Variants in KCNK13 observed in about 807,000 individuals in gnomAD.
KCNK13 encodes potassium two pore domain channel subfamily K member 13.
Under a neutral mutation model 23.4 loss-of-function variants are expected in KCNK13, and 12 were observed. The ratio of observed to expected loss-of-function variants is 0.51; its 90% CI spans 0.33 to 0.83. KCNK13 has a LOEUF of 0.83. Ranked by LOEUF, KCNK13 falls within the 40% of genes least tolerant of loss-of-function variation. The pLI is 0.02. For missense variants in KCNK13, 463 were observed against 556.3 expected (o/e 0.83, Z 1.69); for synonymous variants, 231 against 229.5 (o/e 1.01, Z -0.06).
intron 1 of KCNK13, among the ~76,000 whole-genome samples, chr14:90,071,610 G>C (rs1889074979): frequency 6.6e-6 from 1 of 152,192 alleles, no homozygotes; most frequent in South Asian, 2.1e-4. Flanking sequence ...CCTGGTAGTT[G>C]ACCCAGCAAG....
chr14:90,130,327 G>C (rs1889853036), intron 1 of KCNK13, among the ~76,000 whole-genome samples: 1 of 151,818 alleles, frequency 6.6e-6, no homozygotes, highest in South Asian at 2.1e-4. Flanking sequence ...AGCCTCCTGA[G>C]TAGCTGGGAT....
chr14:90,137,673 T>C (rs936717333), intron 1 of KCNK13, among the ~76,000 whole-genome samples: 3 of 152,274 alleles, frequency 2.0e-5, no homozygotes, highest in Middle Eastern at 3.4e-3. Context: ...AGGCTATTAG[T>C]TGTAAAGTTA....
At chr14:90,070,264 A>T (rs764375997) in intron 1 of KCNK13, among the ~76,000 whole-genome samples, 1 of 152,234 alleles carries the variant, frequency 6.6e-6, no homozygotes, top group Non-Finnish European at 1.5e-5. Context: ...CTATATAACC[A>T]TTATAACATG....
intron 1 of KCNK13, among the ~76,000 whole-genome samples, chr14:90,063,446 T>C (rs192685368): frequency 6.6e-6 from 1 of 152,210 alleles, no homozygotes; most frequent in East Asian, 1.9e-4. Context: ...AGATTGTTCA[T>C]CCTTGAAGAA....
intron 1 of KCNK13, among the ~76,000 whole-genome samples, chr14:90,159,249 C>G (rs908602668): frequency 6.6e-6 from 1 of 152,190 alleles, no homozygotes; most frequent in African/African-American, 2.4e-5. Flanking sequence ...CCCCACCTCC[C>G]AACACTGTTG....
At chr14:90,178,378 A>C (rs1351174871) in intron 1 of KCNK13, among the ~76,000 whole-genome samples, 1 of 151,312 alleles carries the variant, frequency 6.6e-6, no homozygotes, top group African/African-American at 2.4e-5. Flanking sequence ...TGCAAACTCC[A>C]CCTCCCGGGT....
At chr14:90,108,380 G>T (rs140503401) in intron 1 of KCNK13, among the ~76,000 whole-genome samples, 30 of 152,218 alleles carry the variant, frequency 2.0e-4, no homozygotes, top group African/African-American at 7.0e-4. Flanking sequence ...ATGAATCCTT[G>T]GTTGGTTTTC....
At chr14:90,143,445 T>G (rs1352001155) in intron 1 of KCNK13, among the ~76,000 whole-genome samples, 1 of 152,138 alleles carries the variant, frequency 6.6e-6, no homozygotes, top group Non-Finnish European at 1.5e-5. Flanking sequence ...TCTGCTACCC[T>G]TCAGCATCTT....
At chr14:90,098,909 CT>C (rs575166202) in intron 1 of KCNK13, among the ~76,000 whole-genome samples, 125 of 152,166 alleles carry the variant, frequency 8.2e-4, no homozygotes, top group Admixed American at 7.9e-3. Flanking sequence ...GAAACCCCAT[CT>C]CTACTAAAAA....
chr14:90,096,173 C>T (rs936893996), intron 1 of KCNK13, among the ~76,000 whole-genome samples: 3 of 152,184 alleles, frequency 2.0e-5, no homozygotes, highest in Admixed American at 6.5e-5. Flanking sequence ...ATTATATAGA[C>T]ATGATTGATT....
At chr14:90,146,444 T>C (rs1890074462) in intron 1 of KCNK13, among the ~76,000 whole-genome samples, 1 of 152,114 alleles carries the variant, frequency 6.6e-6, no homozygotes, top group Non-Finnish European at 1.5e-5. Flanking sequence ...GCCTCCCAAG[T>C]AGCTGGGATT....
chr14:90,147,075 G>C (rs1362879839), intron 1 of KCNK13, among the ~76,000 whole-genome samples: 1 of 152,130 alleles, frequency 6.6e-6, no homozygotes, highest in Non-Finnish European at 1.5e-5. Context: ...TATAATACAA[G>C]TATCTTAAGA....
intron 1 of KCNK13, among the ~76,000 whole-genome samples, chr14:90,096,116 C>G (rs1889407162): frequency 6.6e-6 from 1 of 152,220 alleles, no homozygotes; most frequent in Admixed American, 6.5e-5. Context: ...GTTCAGCAAT[C>G]TGGAAGCTCT....
At chr14:90,089,017 AT>A (rs1889313680) in intron 1 of KCNK13, among the ~76,000 whole-genome samples, 1 of 152,146 alleles carries the variant, frequency 6.6e-6, no homozygotes, top group Non-Finnish European at 1.5e-5. Flanking sequence ...CCAGTCTCGG[AT>A]ATGTCTTTAT....
intron 1 of KCNK13, among the ~76,000 whole-genome samples, chr14:90,065,630 A>T (rs1888998364): frequency 6.6e-6 from 1 of 152,252 alleles, no homozygotes; most frequent in South Asian, 2.1e-4. Flanking sequence ...GAAAGCTGGG[A>T]TGTTTACACA....
chr14:90,138,650 G>T (rs1225081049), intron 1 of KCNK13, among the ~76,000 whole-genome samples: 5 of 152,222 alleles, frequency 3.3e-5, no homozygotes, highest in African/African-American at 1.2e-4. Flanking sequence ...AATGGGGCTT[G>T]ACATAGGATC....
intron 1 of KCNK13, among the ~76,000 whole-genome samples, chr14:90,152,850 C>T (rs1405486029): frequency 6.6e-6 from 1 of 152,158 alleles, no homozygotes; most frequent in East Asian, 1.9e-4. Flanking sequence ...CATAGAGTCT[C>T]CCCCTTCAAG....
At chr14:90,119,632 CT>C (rs1889714029) in intron 1 of KCNK13, among the ~76,000 whole-genome samples, 1 of 152,168 alleles carries the variant, frequency 6.6e-6, no homozygotes, top group African/African-American at 2.4e-5. Context: ...CCAAGTCTCA[CT>C]CTGTTGCCCA....
chr14:90,128,073 A>G (rs574430932), intron 1 of KCNK13, among the ~76,000 whole-genome samples: 237 of 152,294 alleles, frequency 1.6e-3, no homozygotes, highest in Non-Finnish European at 2.6e-3. Flanking sequence ...GATTGGAGGC[A>G]ATTTTAAATC....
Sources: gnomAD v4.1 joint callset for allele counts (sites outside exome capture counted in the v4.1 genomes callset) on GRCh38, gnomAD v4.1.1 for gene constraint, MANE v1.5 for transcripts, NCBI Gene and HGNC (gene_info 2026-07-23, HGNC 2026-07-21) for gene names.